Variants in CAMK4 observed in about 807,000 individuals in gnomAD.
The protein encoded by CAMK4 is calcium/calmodulin dependent protein kinase IV.
In CAMK4, 22 loss-of-function variants were observed where a neutral mutation model predicts 44.9. That is an observed-to-expected ratio of 0.49 (90% confidence interval 0.35 to 0.70). CAMK4 has a LOEUF of 0.70. CAMK4 is among the 30% of genes least tolerant of loss of function. The pLI, the probability that CAMK4 is intolerant of heterozygous loss-of-function variation, is 0.01. For missense variants in CAMK4, 498 were observed against 586.8 expected (o/e 0.85, Z 1.56); for synonymous variants, 218 against 215.4 (o/e 1.01, Z -0.11).
intron 1 of CAMK4, among the ~76,000 whole-genome samples, chr5:111,343,783 G>A (rs1251684210): frequency 6.6e-6 from 1 of 151,670 alleles, no homozygotes; most frequent in Non-Finnish European, 1.5e-5. Flanking sequence ...TATGTTACTT[G>A]TATAGGGATA....
At chr5:111,335,470 A>G (rs1295371775) in intron 1 of CAMK4, among the ~76,000 whole-genome samples, 5 of 151,366 alleles carry the variant, frequency 3.3e-5, no homozygotes, top group African/African-American at 1.2e-4. Flanking sequence ...GAAAAAATAA[A>G]ATTAAACCAA....
intron 2 of CAMK4, among the ~76,000 whole-genome samples, chr5:111,348,700 A>C (rs1749969658): frequency 6.6e-6 from 1 of 152,016 alleles, no homozygotes; most frequent in Admixed American, 6.6e-5. Context: ...ATATGGCAAA[A>C]CTAAACAATT....
intron 1 of CAMK4, among the ~76,000 whole-genome samples, chr5:111,265,396 TA>T (rs1316385962): frequency 4.6e-5 from 7 of 152,208 alleles, no homozygotes; most frequent in Admixed American, 6.5e-5. Flanking sequence ...AACCATCTTT[TA>T]GGATTTAAAT....
chr5:111,268,949 C>T (rs1277569667), intron 1 of CAMK4, among the ~76,000 whole-genome samples: 3 of 151,928 alleles, frequency 2.0e-5, no homozygotes, highest in Non-Finnish European at 4.4e-5. Flanking sequence ...AAGGATGTGA[C>T]CTACAAATAA....
intron 1 of CAMK4, among the ~76,000 whole-genome samples, chr5:111,249,840 CAT>C (rs1749413674): frequency 6.6e-6 from 1 of 151,564 alleles, no homozygotes; most frequent in African/African-American, 2.4e-5. Flanking sequence ...AACATAAAAA[CAT>C]ATTTAACATA....
At chr5:111,342,183 T>G (rs1749674666) in intron 1 of CAMK4, among the ~76,000 whole-genome samples, 1 of 151,504 alleles carries the variant, frequency 6.6e-6, no homozygotes, top group South Asian at 2.1e-4. Context: ...CCTGAGAGTT[T>G]GTCTGCTTTT....
chr5:111,344,145 G>A, intron 2 of CAMK4, 43 bp downstream of exon 2: 1 of 1,174,598 alleles, frequency 8.5e-7, no homozygotes, highest in Non-Finnish European at 1.3e-6. Context: ...AGGGGCCTGT[G>A]ACCTGGAGAA....
intron 1 of CAMK4, among the ~76,000 whole-genome samples, chr5:111,332,092 T>G (rs1431207923): frequency 2.0e-5 from 3 of 151,722 alleles, no homozygotes; most frequent in African/African-American, 7.2e-5. Context: ...TTTTTATTAT[T>G]ATTATACTTT....
chr5:111,319,009 T>TA (rs1748549616), intron 1 of CAMK4, among the ~76,000 whole-genome samples: 1 of 152,120 alleles, frequency 6.6e-6, no homozygotes, highest in Non-Finnish European at 1.5e-5. Flanking sequence ...ATTGTTATGA[T>TA]AGAGCTGGTA....
chr5:111,229,313 A>AGGAAGAGAGAAAGAGAGG (rs1462131085), intron 1 of CAMK4, among the ~76,000 whole-genome samples: 1 of 152,192 alleles, frequency 6.6e-6, no homozygotes, highest in Non-Finnish European at 1.5e-5. Flanking sequence ...CAAGGCAGAG[A>AGGAAGAGAGAAAGAGAGG]GGAAGAGAGA....
At chr5:111,443,553 C>A (rs1480993393) in intron 5 of CAMK4, among the ~76,000 whole-genome samples, 2 of 151,536 alleles carry the variant, frequency 1.3e-5, no homozygotes, top group East Asian at 3.9e-4. Context: ...AACTTTCCTT[C>A]CTTTATCTAG....
At position 111,224,841 on chromosome 5, in the gene CAMK4, G is replaced by C. The variant is rs1020443240; in HGVS notation, c.161+197G>C. Among the ~76,000 whole-genome samples the C allele has an allele frequency of 1.3e-5, 2 of 152,058 alleles. No individual in the cohort carries two copies. The highest frequency in any genetic ancestry group is 2.9e-5 in the Non-Finnish European group (2 of 67,986). On this transcript the variant is annotated intron_variant, in intron 1 of 10. Coordinates refer to ENST00000282356, the MANE Select transcript of CAMK4 (RefSeq NM_001744.6). This position sits in a 1 kb window ranked among gnomAD's most constrained non-coding sequence, Gnocchi z 5.7. ...CCCACCCCACCAGAGCGCCTAGGCC[G>C]GTGCAGCTGTAGGATCAGCCCGACT...
At chr5:111,276,681 T>C (rs2112594046) in intron 1 of CAMK4, among the ~76,000 whole-genome samples, 1 of 152,322 alleles carries the variant, frequency 6.6e-6, no homozygotes, top group Non-Finnish European at 1.5e-5. Context: ...ATTTCAAACA[T>C]GTTTCTGTTG....
Position 111,355,419 on chromosome 5 carries a change from G to C in CAMK4, c.240+11317G>C, listed in dbSNP as rs969965252. On this transcript the variant is annotated intron_variant, in intron 2 of 10. Coordinates refer to ENST00000282356, the MANE Select transcript of CAMK4 (RefSeq NM_001744.6). ...AGTCAGAACATTCTTCCAGAGCATT[G>C]TTATGATTTGATGCATTTTCTTTAT... Among the ~76,000 whole-genome samples, 16 of 151,842 alleles carry C rather than the reference G, an allele frequency of 1.1e-4. No homozygotes were observed. In the East Asian group the frequency reaches 2.7e-3, roughly 26 times the overall value.
At chr5:111,269,308 T>C (rs1580508059) in intron 1 of CAMK4, among the ~76,000 whole-genome samples, 1 of 152,326 alleles carries the variant, frequency 6.6e-6, no homozygotes, top group East Asian at 1.9e-4. Context: ...ATCTTCTAAC[T>C]TCAGTAACCT....
intron 1 of CAMK4, among the ~76,000 whole-genome samples, chr5:111,332,431 A>G (rs1749210415): frequency 6.6e-6 from 1 of 151,520 alleles, no homozygotes. Context: ...ATGGCTACAT[A>G]GTATTCCACG....
intron 1 of CAMK4, among the ~76,000 whole-genome samples, chr5:111,279,030 C>T (rs1750892203): frequency 6.6e-6 from 1 of 152,170 alleles, no homozygotes; most frequent in African/African-American, 2.4e-5. Flanking sequence ...AGGGCGCCCC[C>T]TGGAGCACGG....
At chr5:111,325,772 A>G (rs1748859254) in intron 1 of CAMK4, among the ~76,000 whole-genome samples, 1 of 151,896 alleles carries the variant, frequency 6.6e-6, no homozygotes, top group African/African-American at 2.4e-5. Flanking sequence ...TATTCTCTAT[A>G]TTAGACCTTT....
At chr5:111,431,587 G>T (rs944189074) in intron 5 of CAMK4, among the ~76,000 whole-genome samples, 2 of 151,816 alleles carry the variant, frequency 1.3e-5, no homozygotes, top group Non-Finnish European at 2.9e-5. Context: ...CACAGAATGG[G>T]AGAAAATATT....
Sources: gnomAD v4.1 joint callset for allele counts (sites outside exome capture counted in the v4.1 genomes callset) on GRCh38, gnomAD v4.1.1 for gene constraint, Gnocchi (gnomAD v3.1) non-coding constraint, MANE v1.5 for transcripts, NCBI Gene and HGNC (gene_info 2026-07-23, HGNC 2026-07-21) for gene names.